Variants in ACTR2 observed in about 807,000 individuals in gnomAD.
ACTR2 encodes the protein actin related protein 2.
A neutral mutation model predicts 50.2 loss-of-function variants in ACTR2; 5 were observed. The observed-to-expected ratio is 0.10, with a 90% CI of 0.05 to 0.21. The LOEUF is 0.21. Among genes scored for constraint, ACTR2 ranks in the 10% least tolerant of loss-of-function variants. The pLI, the probability that ACTR2 is intolerant of heterozygous loss-of-function variation, is 1.00. For synonymous variants in ACTR2, 140 were observed against 162.9 expected (o/e 0.86, Z 1.07); for missense variants, 180 against 480.6 (o/e 0.37, Z 5.85).
At chr2:65,257,550 A>G (rs137977396) in intron 6 of ACTR2, among the ~76,000 whole-genome samples, 1,594 of 152,280 alleles carry the variant, frequency 0.01, 32 homozygotes, top group African/African-American at 0.037. Context: ...GGTTGAACTA[A>G]TTTACACTCC....
At chr2:65,267,018 A>G (rs1672384793) in intron 8 of ACTR2, among the ~76,000 whole-genome samples, 1 of 152,230 alleles carries the variant, frequency 6.6e-6, no homozygotes, top group Non-Finnish European at 1.5e-5. Flanking sequence ...ATGAAGAGCA[A>G]TAACTCATAT....
chr2:65,229,403 A>G (rs1671592777), intron 1 of ACTR2, among the ~76,000 whole-genome samples: 1 of 152,184 alleles, frequency 6.6e-6, no homozygotes, highest in South Asian at 2.1e-4. Flanking sequence ...TTTACAAGCA[A>G]TAATTATGGT....
chr2:65,247,031 G>A (rs1179044682), intron 3 of ACTR2, among the ~76,000 whole-genome samples: 1 of 151,976 alleles, frequency 6.6e-6, no homozygotes, highest in African/African-American at 2.4e-5. Flanking sequence ...TTATGGAGGA[G>A]CCAGCAGAAG....
intron 6 of ACTR2, among the ~76,000 whole-genome samples, chr2:65,256,216 G>T (rs1672146566): frequency 6.6e-6 from 1 of 152,134 alleles, no homozygotes; most frequent in Admixed American, 6.6e-5. Flanking sequence ...AACATACTTT[G>T]GAAATGGTCA....
intron 2 of ACTR2, 160 bp from the exon 3 acceptor site, chr2:65,246,364 T>G (rs1671939587): frequency 1.7e-6 from 1 of 573,328 alleles, no homozygotes; most frequent in Admixed American, 3.7e-5. Flanking sequence ...TTATCCATGA[T>G]TAAACTTTCT....
chr2:65,264,758 T>G (rs1252702760), intron 7 of ACTR2, among the ~76,000 whole-genome samples: 2 of 152,254 alleles, frequency 1.3e-5, no homozygotes, highest in Non-Finnish European at 2.9e-5. Flanking sequence ...TAGTTTGTAA[T>G]GTAAATCTTG....
chr2:65,235,588 C>G (rs1327404448), intron 1 of ACTR2, among the ~76,000 whole-genome samples: 3 of 152,140 alleles, frequency 2.0e-5, no homozygotes, highest in Admixed American at 2.0e-4. Flanking sequence ...AACCCCTTCT[C>G]TACTAAAAAT....
At chr2:65,236,811 G>A (rs2103985604) in intron 1 of ACTR2, among the ~76,000 whole-genome samples, 1 of 152,070 alleles carries the variant, frequency 6.6e-6, no homozygotes, top group East Asian at 1.9e-4. Flanking sequence ...CAAACTTCTG[G>A]CCTCATGTGA....
intron 1 of ACTR2, among the ~76,000 whole-genome samples, chr2:65,237,459 C>G (rs1254868753): frequency 6.6e-6 from 1 of 152,070 alleles, no homozygotes; most frequent in Non-Finnish European, 1.5e-5. Flanking sequence ...CCATACTGGT[C>G]TCGAGCTTCT....
chr2:65,239,144 A>G (rs1671794971), intron 1 of ACTR2, among the ~76,000 whole-genome samples: 4 of 152,016 alleles, frequency 2.6e-5, no homozygotes, highest in South Asian at 2.1e-4. Flanking sequence ...ATTTTCTCAC[A>G]TTTCTCTTTC....
chr2:65,251,982 G>C (rs1363005292), intron 4 of ACTR2, among the ~76,000 whole-genome samples: 2 of 151,788 alleles, frequency 1.3e-5, no homozygotes, highest in African/African-American at 4.8e-5. Context: ...AGAATGTCTG[G>C]GCCTGTCAGA....
intron 6 of ACTR2, among the ~76,000 whole-genome samples, chr2:65,258,833 C>A (rs557340261): frequency 6.6e-6 from 1 of 152,116 alleles, no homozygotes; most frequent in African/African-American, 2.4e-5. Flanking sequence ...CACTATCAGG[C>A]TTCAAGTGCT....
chr2:65,253,237 C>T (rs186004538), intron 4 of ACTR2, among the ~76,000 whole-genome samples: 28 of 152,172 alleles, frequency 1.8e-4, no homozygotes, highest in African/African-American at 6.5e-4. Context: ...GCCAGGAGTT[C>T]GAGACCAGCT....
intron 3 of ACTR2, among the ~76,000 whole-genome samples, chr2:65,247,951 A>G (rs949662236): frequency 1.3e-5 from 2 of 152,176 alleles, no homozygotes; most frequent in Non-Finnish European, 2.9e-5. Context: ...ATATAGGAGA[A>G]TGGTATTCCA....
chr2:65,228,704 C>A (rs1379418171), intron 1 of ACTR2, among the ~76,000 whole-genome samples: 1 of 152,106 alleles, frequency 6.6e-6, no homozygotes. Context: ...GATTATCCCA[C>A]CCCCAGCCCC....
rs1473065891 is a variant in ACTR2, at chr2:65,253,855, T to C, written c.576T>C (p.Tyr192=). The part of the protein sequence containing the change: ...LDIAGRDITR[Y]LIKLLLLRGY... ...TTGCTGGGAGGGATATAACTAGATA[T>C]CTTATCAAGGTAAGTGAAAGGAAAA... The change falls in exon 5 of 9, where the codon TAT becomes TAC. Residue 192 remains tyrosine, a synonymous_variant. Transcript: ENST00000260641. 8 of 1,611,274 alleles carry C rather than the reference T, an allele frequency of 5.0e-6. No individual in the cohort carries two copies. The highest frequency in any genetic ancestry group is 1.3e-5 in the African/African-American group (1 of 74,848).
At chr2:65,244,802 G>C (rs1225863947) in intron 2 of ACTR2, among the ~76,000 whole-genome samples, 3 of 151,914 alleles carry the variant, frequency 2.0e-5, no homozygotes, top group African/African-American at 7.3e-5. Flanking sequence ...ACAAGAATTA[G>C]CTGGGCATGT....
chr2:65,249,062 G>A (rs1200290642), intron 3 of ACTR2, among the ~76,000 whole-genome samples: 1 of 152,040 alleles, frequency 6.6e-6, no homozygotes, highest in Non-Finnish European at 1.5e-5. Context: ...AATGAAATAA[G>A]CAGTTACAGA....
intron 3 of ACTR2, among the ~76,000 whole-genome samples, chr2:65,250,220 C>T (rs1188753954): frequency 9.9e-5 from 15 of 150,818 alleles, no homozygotes; most frequent in East Asian, 7.9e-4. Context: ...AAAAATTAGC[C>T]GGGTGTGGTG....
Sources: allele counts gnomAD v4.1 joint callset (sites outside exome capture counted in the v4.1 genomes callset), GRCh38; gene constraint gnomAD v4.1.1; transcripts MANE v1.5; gene names NCBI Gene and HGNC (gene_info 2026-07-23, HGNC 2026-07-21).